NBDY: variants seen among roughly 807,000 people sequenced by gnomAD.
The protein encoded by NBDY is P-body dissociating protein.
chrX:56,737,473 A>G (rs1410373009), intron 2 of NBDY: 3 of 744,605 alleles, frequency 4.0e-6, no homozygotes, highest in Non-Finnish European at 4.1e-6. Flanking sequence ...ATATTGTATC[A>G]TCTCTCATTA....
rs755078850 is a variant in NBDY at position 56,734,039 on chromosome X, T to TA, written c.*166+1841dup. Among the ~76,000 whole-genome samples the TA allele has an allele frequency of 5.1e-3, 572 of 112,352 alleles. 4 individuals are homozygous for TA. The highest frequency in any genetic ancestry group is 0.018 in the African/African-American group (550 of 30,962). ...AGTTAATGCTTTAAAAGGCAGTCCT[T>TA]AGAGTAAATAGCTAAATGAAATCAT... On this transcript the variant is annotated intron_variant, in intron 2 of 2. Coordinates refer to ENST00000374922, the MANE Select transcript of NBDY (RefSeq NM_001348129.2).
At chrX:56,790,174 G>A (rs934492550) in intron 2 of NBDY, among the ~76,000 whole-genome samples, 9 of 112,723 alleles carry the variant, frequency 8.0e-5, no homozygotes, top group African/African-American at 1.9e-4. Flanking sequence ...CCATGACCGC[G>A]TTGCTCTAAA....
At chrX:56,798,085 G>A (rs776325195) in intron 2 of NBDY, among the ~76,000 whole-genome samples, 42 of 111,866 alleles carry the variant, frequency 3.8e-4, no homozygotes, top group East Asian at 8.5e-4. Context: ...TGTCTCATAC[G>A]GGCTCTTAAT....
chrX:56,745,797 A>G (rs977736434), intron 2 of NBDY, among the ~76,000 whole-genome samples: 1 of 101,954 alleles, frequency 9.8e-6, no homozygotes, highest in African/African-American at 3.6e-5. Flanking sequence ...GTTTTCCTCT[A>G]TATGTCTCAC....
chrX:56,803,964 T>C (rs1307339791), intron 2 of NBDY, among the ~76,000 whole-genome samples: 1 of 110,497 alleles, frequency 9.1e-6, no homozygotes, highest in Non-Finnish European at 1.9e-5. Context: ...GATTCCTCTC[T>C]GGGCAGGGGT....
intron 2 of NBDY, among the ~76,000 whole-genome samples, chrX:56,794,707 C>T (rs1029470106): frequency 2.7e-5 from 3 of 111,754 alleles, no homozygotes; most frequent in Non-Finnish European, 5.7e-5. Flanking sequence ...GGGCCCCTGC[C>T]GATTCCTCTA....
chrX:56,737,168 A>T, intron 2 of NBDY: 1 of 638,522 alleles, frequency 1.6e-6, no homozygotes. Flanking sequence ...TGCAGACCAA[A>T]TAATTCTTAA....
chrX:56,738,416 C>G (rs2069508912), intron 2 of NBDY, among the ~76,000 whole-genome samples: 1 of 111,742 alleles, frequency 8.9e-6, no homozygotes, highest in Non-Finnish European at 1.9e-5. Context: ...TTCTCCAATC[C>G]AATTCAATTC....
intron 2 of NBDY, among the ~76,000 whole-genome samples, chrX:56,787,098 C>T (rs181285947): frequency 1.3e-4 from 14 of 111,169 alleles, no homozygotes; most frequent in South Asian, 1.1e-3. Context: ...CACATTGATC[C>T]GGATTTCAGT....
chrX:56,782,997 ACAG>A lies in NBDY; in HGVS notation c.*167-34322_*167-34320del, dbSNP rs1482244111. Among the ~76,000 whole-genome samples, 7 of 112,785 alleles carry A rather than the reference ACAG, an allele frequency of 6.2e-5. No homozygotes were observed. In the East Asian group the frequency reaches 8.3e-4, roughly 13 times the overall value. On this transcript the variant is annotated intron_variant, in intron 2 of 2. Transcript: ENST00000374922. The stretch of plus-strand genomic sequence containing the variant: ...GATACACACAGACACACACACACAC[ACAG>A]AAGTAAGCTCACACTAGTACAAATG...
chrX:56,743,270 T>A lies in NBDY; in HGVS notation c.*166+11071T>A, dbSNP rs746612269. 9.9e-5 allele frequency among the ~76,000 whole-genome samples: 11 copies of A among 111,561 alleles called. No individual in the cohort carries two copies. The East Asian group carries it at 2.2e-3, about 23-fold the overall frequency. ...TCAGAGATATTGGCCTGTTTTTTTT[T>A]AATTTGTTTCTGTCTGATTTTGGTA... is the stretch of plus-strand genomic sequence containing the variant. On this transcript the variant is annotated intron_variant, in intron 2 of 2. Coordinates refer to ENST00000374922, the MANE Select transcript of NBDY (RefSeq NM_001348129.2).
At position 56,817,303 on chromosome X, in the gene NBDY, C is replaced by T. The variant is rs750747524; in HGVS notation, c.*167-17C>T. ...CATTATAAGTCAATAAACTTTTGTT[C>T]TTTCTGTATCTTTCAGTCTTATGAT... On this transcript the variant is annotated splice_polypyrimidine_tract_variant and intron_variant, in intron 2 of 2. Transcript: ENST00000374922. 4 of 111,824 alleles carry T rather than the reference C, an allele frequency of 3.6e-5. No homozygotes were observed. The East Asian group carries it at 1.1e-3, about 31-fold the overall frequency. The allele number at this position is 111,824 out of a possible 1,213,427, so 9.2% of individuals were successfully genotyped here.
At chrX:56,747,367 A>G (rs999104099) in intron 2 of NBDY, among the ~76,000 whole-genome samples, 1 of 112,042 alleles carries the variant, frequency 8.9e-6, no homozygotes, top group African/African-American at 3.2e-5. Flanking sequence ...GTATTGATCA[A>G]TATCTAAGCT....
At chrX:56,798,109 T>G (rs761541215) in intron 2 of NBDY, among the ~76,000 whole-genome samples, 7 of 111,996 alleles carry the variant, frequency 6.3e-5, no homozygotes, top group African/African-American at 2.3e-4. Context: ...TGACAAGCAA[T>G]GGGCTATGGG....
intron 2 of NBDY, chrX:56,737,259 C>A: frequency 9.5e-7 from 1 of 1,047,929 alleles, no homozygotes; most frequent in Non-Finnish European, 1.3e-6. Context: ...TTTGCCCATT[C>A]TTCTCTTTCT....
chrX:56,736,640 A>G (rs2069495617), intron 2 of NBDY, among the ~76,000 whole-genome samples: 1 of 112,685 alleles, frequency 8.9e-6, no homozygotes, highest in African/African-American at 3.2e-5. Context: ...CCAACCCTTA[A>G]ACTTTATAAC....
At chrX:56,791,014 T>A (rs2069759454) in intron 2 of NBDY, among the ~76,000 whole-genome samples, 1 of 112,474 alleles carries the variant, frequency 8.9e-6, no homozygotes, top group African/African-American at 3.2e-5. Context: ...TCTTGGCTGG[T>A]GGCTCTTCTT....
At chrX:56,799,984 G>A (rs755311635) in intron 2 of NBDY, among the ~76,000 whole-genome samples, 10 of 109,853 alleles carry the variant, frequency 9.1e-5, no homozygotes, top group African/African-American at 3.3e-4. Flanking sequence ...ACCGGGGGCA[G>A]TGTGAGGGGG....
chrX:56,754,200 G>A (rs1279631251), intron 2 of NBDY, among the ~76,000 whole-genome samples: 2 of 110,889 alleles, frequency 1.8e-5, no homozygotes, highest in Non-Finnish European at 3.8e-5. Flanking sequence ...GAGAGGAGGA[G>A]AATTGAAGGG....
Sources: allele counts gnomAD v4.1 joint callset (sites outside exome capture counted in the v4.1 genomes callset), GRCh38; gene constraint gnomAD v4.1.1; transcripts MANE v1.5; gene names NCBI Gene and HGNC (gene_info 2026-07-23, HGNC 2026-07-21).